The following NKAIN2 variants were observed in gnomAD, a reference collection of about 807,000 sequenced individuals.
NKAIN2 encodes sodium/potassium transporting ATPase interacting 2, also known as sodium/potassium-transporting ATPase subunit beta-1-interacting protein 2.
A neutral mutation model predicts 32.6 loss-of-function variants in NKAIN2; 14 were observed. The observed-to-expected ratio is 0.43, with a 90% CI of 0.28 to 0.67. NKAIN2 has a LOEUF of 0.67. Ranked by LOEUF, NKAIN2 falls within the 30% of genes least tolerant of loss-of-function variation. NKAIN2 has a pLI of 0.17. For synonymous variants in NKAIN2, 80 were observed against 87.2 expected (o/e 0.92, Z 0.46); for missense variants, 198 against 258.3 (o/e 0.77, Z 1.60).
Position 124,676,636 on chromosome 6 carries a change from G to C in NKAIN2, c.474+18250G>C, listed in dbSNP as rs551983478. Among the ~76,000 whole-genome samples, 3 of 152,050 alleles carry C rather than the reference G, an allele frequency of 2.0e-5. No homozygotes were observed. In the East Asian group the frequency reaches 5.8e-4, roughly 30 times the overall value. ...ATTTTTAGAGACAGAGTCTCACTCT[G>C]TTGCCCAGCCTAGAATGCAGTGGCA... On this transcript the variant is annotated intron_variant, in intron 4 of 6. Coordinates refer to ENST00000368417, the MANE Select transcript of NKAIN2 (RefSeq NM_001040214.3).
intron 3 of NKAIN2, among the ~76,000 whole-genome samples, chr6:124,508,359 T>C (rs749103257): frequency 6.6e-6 from 1 of 152,040 alleles, no homozygotes; most frequent in Non-Finnish European, 1.5e-5. Flanking sequence ...TTCTTTTCTT[T>C]TTTGAGATGG....
At chr6:124,449,142 A>C (rs185159849) in intron 3 of NKAIN2, among the ~76,000 whole-genome samples, 3 of 152,274 alleles carry the variant, frequency 2.0e-5, no homozygotes, top group Admixed American at 1.3e-4. Flanking sequence ...AAGTCAGATA[A>C]GCGACCTAGT....
At chr6:123,925,404 G>T (rs1417050773) in intron 1 of NKAIN2, among the ~76,000 whole-genome samples, 1 of 152,168 alleles carries the variant, frequency 6.6e-6, no homozygotes, top group African/African-American at 2.4e-5. Flanking sequence ...GATTTGACTA[G>T]AACTGTTTTC....
chr6:124,582,658 A>AAAAAG (rs1183123667), intron 3 of NKAIN2, among the ~76,000 whole-genome samples: 1 of 152,206 alleles, frequency 6.6e-6, no homozygotes, highest in Non-Finnish European at 1.5e-5. Flanking sequence ...GGCACATTAA[A>AAAAAG]AAAAGAAAAG....
At chr6:124,613,808 G>T (rs1015310071) in intron 3 of NKAIN2, among the ~76,000 whole-genome samples, 2 of 152,010 alleles carry the variant, frequency 1.3e-5, no homozygotes, top group Non-Finnish European at 2.9e-5. Flanking sequence ...ATTCAGAAAG[G>T]CAAAGGCTTG....
At chr6:124,416,281 G>T (rs1774483925) in intron 3 of NKAIN2, among the ~76,000 whole-genome samples, 1 of 152,082 alleles carries the variant, frequency 6.6e-6, no homozygotes, top group Admixed American at 6.6e-5. Context: ...AAAACAAAGA[G>T]AAATCTCCTC....
intron 1 of NKAIN2, among the ~76,000 whole-genome samples, chr6:124,257,308 A>G (rs1793997814): frequency 6.6e-6 from 1 of 152,086 alleles, no homozygotes; most frequent in Non-Finnish European, 1.5e-5. Flanking sequence ...GAAACTCCTA[A>G]CTGATGGAGC....
At chr6:124,705,774 G>C (rs1403047926) in intron 4 of NKAIN2, among the ~76,000 whole-genome samples, 1 of 152,086 alleles carries the variant, frequency 6.6e-6, no homozygotes, top group Non-Finnish European at 1.5e-5. Context: ...CTAATGCAGA[G>C]AGCAGTCACT....
At position 123,883,650 on chromosome 6, in the gene NKAIN2, A is replaced by ATT. The variant is rs1421339058; in HGVS notation, c.54+79403_54+79404dup. ...AATTAAACCTCTTTTTTAAAAAAAA[A>ATT]TTTTTTTTAAAATTTTAAAAAACCT... is the stretch of plus-strand genomic sequence containing the variant. On this transcript the variant is annotated intron_variant, in intron 1 of 6. Transcript: ENST00000368417. 3.5e-3 allele frequency among the ~76,000 whole-genome samples: 380 copies of ATT among 109,692 alleles called. 2 individuals are homozygous for ATT. Among genetic ancestry groups the ATT allele is most frequent in the African/African-American group, 9.4e-3 (316 of 33,724 alleles). 72.0% of individuals were successfully genotyped at this position (109,692 alleles called of 152,430 possible).
intron 1 of NKAIN2, among the ~76,000 whole-genome samples, chr6:123,955,465 CTATT>C (rs1562276688): frequency 2.6e-5 from 4 of 151,932 alleles, no homozygotes; most frequent in Non-Finnish European, 4.4e-5. Flanking sequence ...GCATGAGACA[CTATT>C]CATTCCACAA....
chr6:124,356,350 A>G (rs1047115363), intron 3 of NKAIN2, among the ~76,000 whole-genome samples: 5 of 152,206 alleles, frequency 3.3e-5, no homozygotes, highest in African/African-American at 9.6e-5. Flanking sequence ...AGCACTCATC[A>G]TGTGATGTTT....
At chr6:124,023,884 A>T (rs1780984654) in intron 1 of NKAIN2, among the ~76,000 whole-genome samples, 1 of 152,054 alleles carries the variant, frequency 6.6e-6, no homozygotes, top group Non-Finnish European at 1.5e-5. Context: ...TAGAGCTTAG[A>T]AGCAGCTTCT....
At chr6:124,165,589 A>G (rs987872031) in intron 1 of NKAIN2, among the ~76,000 whole-genome samples, 2 of 151,602 alleles carry the variant, frequency 1.3e-5, no homozygotes, top group Non-Finnish European at 2.9e-5. Flanking sequence ...ATATATATAC[A>G]TGTGCCATGC....
intron 3 of NKAIN2, among the ~76,000 whole-genome samples, chr6:124,549,093 G>A (rs573859578): frequency 5.3e-5 from 8 of 152,282 alleles, no homozygotes; most frequent in Non-Finnish European, 8.8e-5. Context: ...AAGGCCAGGC[G>A]CGATGGCTCA....
intron 4 of NKAIN2, among the ~76,000 whole-genome samples, chr6:124,692,322 T>C (rs1420657553): frequency 1.3e-5 from 2 of 152,202 alleles, no homozygotes; most frequent in African/African-American, 4.8e-5. Context: ...TTGTAGATGA[T>C]ACAAAAATCA....
intron 1 of NKAIN2, among the ~76,000 whole-genome samples, chr6:124,239,604 CACAACT>C (rs1401257756): frequency 2.0e-5 from 3 of 152,158 alleles, no homozygotes; most frequent in Non-Finnish European, 2.9e-5. Flanking sequence ...CTCAACACCA[CACAACT>C]ACATGGAAAC....
chr6:124,045,792 C>T (rs1164191433), intron 1 of NKAIN2, among the ~76,000 whole-genome samples: 1 of 151,902 alleles, frequency 6.6e-6, no homozygotes, highest in Non-Finnish European at 1.5e-5. Flanking sequence ...AACAGTAATC[C>T]GTATCAATCT....
chr6:124,441,612 C>G (rs75091419), intron 3 of NKAIN2, among the ~76,000 whole-genome samples: 4 of 152,134 alleles, frequency 2.6e-5, no homozygotes, highest in African/African-American at 9.6e-5. Context: ...GAGCCAGTAT[C>G]TATTTCCAGC....
chr6:124,306,931 T>C (rs1345385777), intron 2 of NKAIN2, among the ~76,000 whole-genome samples: 2 of 152,160 alleles, frequency 1.3e-5, no homozygotes, highest in Admixed American at 1.3e-4. Flanking sequence ...CGAGCTTAAA[T>C]TGAAAGCTAA....
Sources: allele counts gnomAD v4.1 joint callset (sites outside exome capture counted in the v4.1 genomes callset), GRCh38; gene constraint gnomAD v4.1.1; transcripts MANE v1.5; gene names NCBI Gene and HGNC (gene_info 2026-07-23, HGNC 2026-07-21).